The following FMNL2 variants were observed in gnomAD, a reference collection of about 807,000 sequenced individuals.
FMNL2 encodes the protein formin like 2, also known as formin-like protein 2.
In FMNL2, 51 loss-of-function variants were observed where a neutral mutation model predicts 130.2. The observed-to-expected ratio is 0.39, with a 90% CI of 0.31 to 0.49. The LOEUF (loss-of-function observed/expected upper bound fraction) is 0.49, where lower values mean the gene tolerates loss of function less well. FMNL2 is among the 20% of genes least tolerant of loss of function. FMNL2 has a pLI of 0.85. For synonymous variants in FMNL2, 465 were observed against 467.1 expected, an observed-to-expected ratio of 1.00 and a Z score of 0.06; for missense variants, 977 against 1,316.2, an observed-to-expected ratio of 0.74 and a Z score of 3.99.
chr2:152,574,695 T>C (rs1319784534), intron 6 of FMNL2, among the ~76,000 whole-genome samples: 1 of 152,216 alleles, frequency 6.6e-6, no homozygotes, highest in East Asian at 1.9e-4. Context: ...TGTTTTACAC[T>C]GGAAGCTATT....
chr2:152,429,072 T>C (rs1687343110), intron 1 of FMNL2, among the ~76,000 whole-genome samples: 1 of 151,964 alleles, frequency 6.6e-6, no homozygotes, highest in Non-Finnish European at 1.5e-5. Flanking sequence ...GAATAGCTAA[T>C]GGATGCTGGG....
intron 1 of FMNL2, among the ~76,000 whole-genome samples, chr2:152,514,906 T>C (rs1397061500): frequency 6.6e-6 from 1 of 152,120 alleles, no homozygotes; most frequent in African/African-American, 2.4e-5. Flanking sequence ...GAATTTAATT[T>C]TGCCCAAACT....
At chr2:152,620,597 A>G (rs1300150177) in intron 15 of FMNL2, among the ~76,000 whole-genome samples, 1 of 152,170 alleles carries the variant, frequency 6.6e-6, no homozygotes, top group Non-Finnish European at 1.5e-5. Flanking sequence ...TATTTACAAT[A>G]AAGAACTACC....
At chr2:152,544,975 T>C (rs1579928446) in intron 3 of FMNL2, among the ~76,000 whole-genome samples, 2 of 152,332 alleles carry the variant, frequency 1.3e-5, no homozygotes, top group East Asian at 3.9e-4. Flanking sequence ...AAGATGTCTG[T>C]TTGGGCCTTC....
chr2:152,488,095 T>G (rs1690939313), intron 1 of FMNL2, among the ~76,000 whole-genome samples: 1 of 152,230 alleles, frequency 6.6e-6, no homozygotes, highest in Non-Finnish European at 1.5e-5. Flanking sequence ...AATTATTTCC[T>G]TTAGAAATTA....
At chr2:152,430,701 C>T (rs1687447509) in intron 1 of FMNL2, among the ~76,000 whole-genome samples, 1 of 152,080 alleles carries the variant, frequency 6.6e-6, no homozygotes, top group East Asian at 1.9e-4. Flanking sequence ...GGTGAAACCT[C>T]GTCTCTACTG....
chr2:152,514,459 A>G (rs1579854044), intron 1 of FMNL2, among the ~76,000 whole-genome samples: 1 of 152,174 alleles, frequency 6.6e-6, no homozygotes. Flanking sequence ...TTTACCTAAA[A>G]TAATGAGGAT....
intron 6 of FMNL2, among the ~76,000 whole-genome samples, chr2:152,570,035 T>C (rs1159701998): frequency 2.0e-5 from 3 of 151,288 alleles, no homozygotes; most frequent in African/African-American, 4.9e-5. Flanking sequence ...AGAAAAGATA[T>C]TTGCAAAAAT....
At chr2:152,344,685 A>C (rs529145994) in intron 1 of FMNL2, among the ~76,000 whole-genome samples, 1 of 152,240 alleles carries the variant, frequency 6.6e-6, no homozygotes, top group Non-Finnish European at 1.5e-5. Context: ...TAGAACAATC[A>C]ATAAATCAAT....
At chr2:152,546,900 A>T (rs1035456119) in intron 3 of FMNL2, among the ~76,000 whole-genome samples, 3 of 151,570 alleles carry the variant, frequency 2.0e-5, no homozygotes, top group Non-Finnish European at 4.4e-5. Context: ...GAGTTTAAAG[A>T]GAGAGAATAC....
Position 152,619,018 on chromosome 2 carries a change from T to C in FMNL2, c.1487T>C (p.Val496Ala). Reference sequence around the variant, plus strand: ...GATGGGGATATCGCCATACTGCCAGTTGTGGCTTCTGGCACATTGTCCATG... The same window carrying C: ...GATGGGGATATCGCCATACTGCCAGCTGTGGCTTCTGGCACATTGTCCATG... ...KGDGDIAILPVVASGTLSMGS... is the reference protein window; with the variant it reads ...KGDGDIAILPAVASGTLSMGS... The change falls in exon 14 of 26, where the codon GTT becomes GCT. Residue 496 changes from valine to alanine, a missense_variant. Coordinates refer to ENST00000288670, the MANE Select transcript of FMNL2 (RefSeq NM_052905.4). 6.2e-7 allele frequency: 1 copy of C among 1,614,058 alleles called. No homozygotes were observed. Among genetic ancestry groups the C allele is most frequent in the Non-Finnish European group, 8.5e-7 (1 of 1,179,902 alleles).
chr2:152,464,777 A>G lies in FMNL2; in HGVS notation c.118-57166A>G, dbSNP rs535663115. ...GAGCCTCCCTGGGAATGCTTGTCCT[A>G]TTTCTCAGAGAAATAAGCTACTGTG... On this transcript the variant is annotated intron_variant, in intron 1 of 25. Coordinates refer to ENST00000288670, the MANE Select transcript of FMNL2 (RefSeq NM_052905.4). 3.3e-5 allele frequency among the ~76,000 whole-genome samples: 5 copies of G among 152,250 alleles called. No homozygotes were observed. In the East Asian group the frequency reaches 7.7e-4, roughly 23 times the overall value.
intron 9 of FMNL2, among the ~76,000 whole-genome samples, chr2:152,594,930 C>T (rs1017838047): frequency 2.6e-5 from 4 of 152,176 alleles, no homozygotes; most frequent in African/African-American, 9.7e-5. Context: ...CCAACAGTCA[C>T]TGTCAGTCAC....
At chr2:152,438,619 T>G (rs1042006192) in intron 1 of FMNL2, among the ~76,000 whole-genome samples, 1 of 152,148 alleles carries the variant, frequency 6.6e-6, no homozygotes, top group African/African-American at 2.4e-5. Flanking sequence ...AAAAATTGTC[T>G]GCTAGTCTTA....
At chr2:152,375,869 C>CTATATATATA (rs1376054574) in intron 1 of FMNL2, among the ~76,000 whole-genome samples, 2 of 113,256 alleles carry the variant, frequency 1.8e-5, no homozygotes, top group African/African-American at 3.3e-5. Flanking sequence ...CTCTCTCTCT[C>CTATATATATA]TCTCTCTCTA....
chr2:152,513,448 C>G (rs1692593595), intron 1 of FMNL2, among the ~76,000 whole-genome samples: 1 of 152,162 alleles, frequency 6.6e-6, no homozygotes, highest in Non-Finnish European at 1.5e-5. Flanking sequence ...CTCTTCATGT[C>G]CCCCTGAGCC....
intron 1 of FMNL2, among the ~76,000 whole-genome samples, chr2:152,392,329 C>T (rs12105483): frequency 0.087 from 13,243 of 152,102 alleles, 826 homozygotes; most frequent in Admixed American, 0.21. Flanking sequence ...CCACTCATCA[C>T]AGTGGGAATG....
chr2:152,348,824 T>TG (rs1682288266), intron 1 of FMNL2, among the ~76,000 whole-genome samples: 1 of 103,002 alleles, frequency 9.7e-6, no homozygotes, highest in Non-Finnish European at 2.0e-5. Flanking sequence ...AAGGGTTTTT[T>TG]TTTTTTTTTT....
intron 1 of FMNL2, among the ~76,000 whole-genome samples, chr2:152,385,207 A>G (rs1048879653): frequency 2.6e-5 from 4 of 152,254 alleles, no homozygotes; most frequent in Non-Finnish European, 4.4e-5. Context: ...AAAGAACACA[A>G]GTGCCCAAGA....
Sources: gnomAD v4.1 joint callset for allele counts (sites outside exome capture counted in the v4.1 genomes callset) on GRCh38, gnomAD v4.1.1 for gene constraint, MANE v1.5 for transcripts, NCBI Gene and HGNC (gene_info 2026-07-23, HGNC 2026-07-21) for gene names.